The following TMEM140 variants were observed in gnomAD, a reference collection of about 807,000 sequenced individuals.
TMEM140 encodes transmembrane protein 140.
For missense variants in TMEM140, 236 were observed against 228.5 expected, an observed-to-expected ratio of 1.03 and a Z score of -0.21; for synonymous variants, 107 against 106.8, an observed-to-expected ratio of 1.00 and a Z score of -0.01.
chr7:135,155,322 A>G (rs10242377), intron 1 of TMEM140, among the ~76,000 whole-genome samples: 73,390 of 151,674 alleles, frequency 0.48, 18,059 homozygotes, highest in South Asian at 0.66. Context: ...TAATCCATTT[A>G]CATTCAAGGT....
At chr7:135,163,844 C>G (rs1253929363) in intron 1 of TMEM140, among the ~76,000 whole-genome samples, 1 of 152,200 alleles carries the variant, frequency 6.6e-6, no homozygotes, top group Non-Finnish European at 1.5e-5. Flanking sequence ...GTCCTTGACC[C>G]AGGCTCACCT....
Position 135,151,700 on chromosome 7 carries a change from A to G in TMEM140, c.-25+3430A>G, listed in dbSNP as rs961532960. Among the ~76,000 whole-genome samples the G allele has an allele frequency of 2.6e-4, 39 of 152,318 alleles. No individual in the cohort carries two copies. The highest frequency in any genetic ancestry group is 8.9e-4 in the African/African-American group (37 of 41,564). ...TGAGTGAACTTCCTTCAGTCTCACA[A>G]CAGCCCATGAGGAACGTGACAACTG... On this transcript the variant is annotated intron_variant, in intron 1 of 1. Coordinates refer to ENST00000275767, the MANE Select transcript of TMEM140 (RefSeq NM_018295.5). The surrounding 1 kb of genome is among the most constrained non-coding windows in gnomAD (Gnocchi z 4.3).
chr7:135,154,909 A>G lies in TMEM140; in HGVS notation c.-25+6639A>G, dbSNP rs139651534. 2.9e-3 allele frequency among the ~76,000 whole-genome samples: 443 copies of G among 152,296 alleles called. 2 individuals carry two copies. The highest frequency in any genetic ancestry group is 0.01 in the African/African-American group (421 of 41,560). ...GTTTCTTTGTTAATTTTCTGTCCCAATGATCTGTCTAGTGTTGTGAGTGGA... is the reference window on the plus strand; with the variant it reads ...GTTTCTTTGTTAATTTTCTGTCCCAGTGATCTGTCTAGTGTTGTGAGTGGA... On this transcript the variant is annotated intron_variant, in intron 1 of 1. Transcript: ENST00000275767.
intron 1 of TMEM140, among the ~76,000 whole-genome samples, chr7:135,159,935 G>A (rs1312857276): frequency 6.6e-6 from 1 of 152,122 alleles, no homozygotes; most frequent in Non-Finnish European, 1.5e-5. Context: ...AACTGCTGGT[G>A]GAAACATAAG....
At chr7:135,155,773 C>A (rs914445527) in intron 1 of TMEM140, among the ~76,000 whole-genome samples, 1 of 152,204 alleles carries the variant, frequency 6.6e-6, no homozygotes, top group Middle Eastern at 3.2e-3. Context: ...ATTGCTTGAG[C>A]CCACGAGGTC....
intron 1 of TMEM140, 42 bp from the exon 2 acceptor site, chr7:135,164,376 A>AAAC (rs1196715788): frequency 2.0e-6 from 3 of 1,476,970 alleles, no homozygotes; most frequent in Non-Finnish European, 2.8e-6. Flanking sequence ...CACAGGGAAC[A>AAAC]AGCAAGGGAG....
At chr7:135,148,766 C>T (rs894849235) in intron 1 of TMEM140, among the ~76,000 whole-genome samples, 1 of 152,160 alleles carries the variant, frequency 6.6e-6, no homozygotes, top group Non-Finnish European at 1.5e-5. Context: ...GTGTTCTTGC[C>T]TCAAAGAATG....
rs1829654297 is a variant in TMEM140 at position 135,151,001 on chromosome 7, T to C, written c.-25+2731T>C. ...ATAGTCAACAAAACAATTGCACAAA[T>C]AGCAAGTTAATATTAATGGAACCAT... On this transcript the variant is annotated intron_variant, in intron 1 of 1. Transcript: ENST00000275767. This position sits in a 1 kb window ranked among gnomAD's most constrained non-coding sequence, Gnocchi z 4.3. Among the ~76,000 whole-genome samples the C allele has an allele frequency of 6.6e-6, 1 of 152,246 alleles. No individual in the cohort carries two copies. The highest frequency in any genetic ancestry group is 1.5e-5 in the Non-Finnish European group (1 of 68,048).
intron 1 of TMEM140, among the ~76,000 whole-genome samples, chr7:135,150,835 G>A (rs987929120): frequency 5.3e-5 from 8 of 152,192 alleles, no homozygotes; most frequent in African/African-American, 1.4e-4. Context: ...CACCCTGGGT[G>A]ACAGAGCAAG....
intron 1 of TMEM140, among the ~76,000 whole-genome samples, chr7:135,154,506 C>T (rs929436038): frequency 1.3e-5 from 2 of 152,138 alleles, no homozygotes; most frequent in Non-Finnish European, 2.9e-5. Flanking sequence ...ATAAACTTCC[C>T]TCTTAGCACT....
In TMEM140 at chr7:135,165,845, T is replaced by G. The variant is rs1352265644; in HGVS notation, c.*846T>G. ...TATTGGAAAACCTGTATGGCAGTGA[T>G]TTATTCATATATTCCTGTCCAAAGC... On this transcript the variant is annotated 3_prime_UTR_variant, in exon 2 of 2. Transcript: ENST00000275767. The G allele has an allele frequency of 1.2e-5, 2 of 167,142 alleles. No individual in the cohort carries two copies. Among genetic ancestry groups the G allele is most frequent in the African/African-American group, 2.4e-5 (1 of 41,458 alleles). 10.4% of individuals were successfully genotyped at this position (167,142 alleles called of 1,614,324 possible).
Position 135,161,955 on chromosome 7 carries a change from G to A in TMEM140, c.-24-2463G>A, listed in dbSNP as rs1396130648. On this transcript the variant is annotated intron_variant, in intron 1 of 1. Transcript: ENST00000275767. This position sits in a 1 kb window ranked among gnomAD's most constrained non-coding sequence, Gnocchi z 4.1. ...GCATCTGAGGGGAGGCGGTGGCAGT[G>A]TGGACCCCACCCTTACTGTATTCAC... is the stretch of plus-strand genomic sequence containing the variant. Among the ~76,000 whole-genome samples, 3 of 152,240 alleles carry A rather than the reference G, an allele frequency of 2.0e-5. No homozygotes were observed. Among genetic ancestry groups the A allele is most frequent in the Non-Finnish European group, 4.4e-5 (3 of 68,038 alleles).
intron 1 of TMEM140, among the ~76,000 whole-genome samples, chr7:135,162,710 G>T (rs112310328): frequency 3.3e-5 from 5 of 152,114 alleles, no homozygotes; most frequent in Admixed American, 6.5e-5. Flanking sequence ...CACAATGTGG[G>T]GATTATGGGA....
In TMEM140 at chr7:135,160,259, T is replaced by C. The variant is rs1008703411; in HGVS notation, c.-24-4159T>C. Among the ~76,000 whole-genome samples, 20 of 152,232 alleles carry C rather than the reference T, an allele frequency of 1.3e-4. 1 individual carries two copies. The highest frequency in any genetic ancestry group is 4.8e-4 in the African/African-American group (20 of 41,468). The stretch of plus-strand genomic sequence containing the variant: ...ATTTTCTAGTTTCCTACAATCAGCA[T>C]GTGTTATTATAAACAGGAAAAGGTT... On this transcript the variant is annotated intron_variant, in intron 1 of 1. Transcript: ENST00000275767.
intron 1 of TMEM140, among the ~76,000 whole-genome samples, chr7:135,159,234 T>C (rs193050810): frequency 6.6e-6 from 1 of 152,382 alleles, no homozygotes; most frequent in East Asian, 1.9e-4. Flanking sequence ...CTTACTATTC[T>C]GGTTTCTCAC....
intron 1 of TMEM140, among the ~76,000 whole-genome samples, chr7:135,159,024 G>C (rs1318348412): frequency 1.3e-5 from 2 of 152,206 alleles, no homozygotes; most frequent in African/African-American, 4.8e-5. Flanking sequence ...TCCTTCCGTG[G>C]CCAAGATTAT....
At chr7:135,164,253 G>A (rs572562258) in intron 1 of TMEM140, among the ~76,000 whole-genome samples, 165 bp from the exon 2 acceptor site, 1 of 152,316 alleles carries the variant, frequency 6.6e-6, no homozygotes, top group South Asian at 2.1e-4. Context: ...TTGCAAATAG[G>A]TCCTGGCAGG....
rs146209369 is a variant in TMEM140 at position 135,162,199 on chromosome 7, G to C, written c.-24-2219G>C. 2.5e-4 allele frequency among the ~76,000 whole-genome samples: 38 copies of C among 152,314 alleles called. No homozygotes were observed. The East Asian group carries it at 6.9e-3, about 28-fold the overall frequency. ...CCTTCCAGTCAGCTCTGGGAAAGAG[G>C]AGGGAGCTGTTCCCCCAGAGGGGTC... is the stretch of plus-strand genomic sequence containing the variant. On this transcript the variant is annotated intron_variant, in intron 1 of 1. Transcript: ENST00000275767.
chr7:135,149,199 A>C (rs1480983595), intron 1 of TMEM140, among the ~76,000 whole-genome samples: 2 of 151,738 alleles, frequency 1.3e-5, no homozygotes, highest in African/African-American at 4.8e-5. Flanking sequence ...TTTTTTTTTC[A>C]TAAATGTAGC....
Sources: allele counts gnomAD v4.1 joint callset (sites outside exome capture counted in the v4.1 genomes callset), GRCh38; gene constraint gnomAD v4.1.1; non-coding constraint Gnocchi (gnomAD v3.1); transcripts MANE v1.5; gene names NCBI Gene and HGNC (gene_info 2026-07-23, HGNC 2026-07-21).